The following SEPSECS variants were observed in gnomAD, a reference collection of about 807,000 sequenced individuals.
SEPSECS encodes the protein O-phosphoseryl-tRNA(Sec) selenium transferase.
SEPSECS carries 42 observed loss-of-function variants against 52.1 expected under a neutral mutation model. The observed-to-expected ratio is 0.81, with a 90% CI of 0.63 to 1.04. The LOEUF is 1.04. SEPSECS is among the 50% of genes least tolerant of loss of function. SEPSECS has a pLI of 0.00. For missense variants in SEPSECS, 590 were observed against 610.6 expected (o/e 0.97, Z 0.36); for synonymous variants, 216 against 211.4 (o/e 1.02, Z -0.19).
chr4:25,126,916 A>T (rs953928628), intron 9 of SEPSECS, among the ~76,000 whole-genome samples: 1 of 152,186 alleles, frequency 6.6e-6, no homozygotes, highest in Non-Finnish European at 1.5e-5. Context: ...TCAGCCTCCC[A>T]AAGTGCTAGG....
intron 8 of SEPSECS, among the ~76,000 whole-genome samples, chr4:25,134,071 G>A (rs990660149): frequency 7.7e-5 from 10 of 129,420 alleles, no homozygotes; most frequent in African/African-American, 1.5e-4. Context: ...GCTGCAGTGA[G>A]CCATGATCAT....
Position 25,123,726 on chromosome 4 carries a change from C to A in SEPSECS, c.*205G>T, listed in dbSNP as rs900372271. On this transcript the variant is annotated 3_prime_UTR_variant, in exon 11 of 11. Coordinates refer to ENST00000382103, the MANE Select transcript of SEPSECS (RefSeq NM_016955.4). ...AAAAATGCTAATTGTATATTATAACCTGTTAAGGATCACAAGGATTGATGC... is the reference window on the plus strand; with the variant it reads ...AAAAATGCTAATTGTATATTATAACATGTTAAGGATCACAAGGATTGATGC... 22 of 580,060 alleles carry A rather than the reference C, an allele frequency of 3.8e-5. No individual in the cohort carries two copies. Among genetic ancestry groups the A allele is most frequent in the African/African-American group, 7.5e-5 (4 of 53,396 alleles). 35.9% of individuals were successfully genotyped at this position (580,060 alleles called of 1,614,324 possible).
chr4:25,157,127 C>G (rs1712713318), intron 2 of SEPSECS, among the ~76,000 whole-genome samples, 153 bp from the exon 3 acceptor site: 1 of 152,158 alleles, frequency 6.6e-6, no homozygotes, highest in Non-Finnish European at 1.5e-5. Flanking sequence ...ATGTGGAACT[C>G]TCCTACTTAA....
chr4:25,124,264 A>G (rs1228421497), intron 10 of SEPSECS, 39 bp from the exon 11 acceptor site: 6 of 1,581,222 alleles, frequency 3.8e-6, no homozygotes, highest in Non-Finnish European at 4.3e-6. Flanking sequence ...TATGTCTGGT[A>G]ATGGTAACAC....
chr4:25,143,437 T>C (rs2109020379), intron 8 of SEPSECS, among the ~76,000 whole-genome samples: 1 of 152,344 alleles, frequency 6.6e-6, no homozygotes, highest in East Asian at 1.9e-4. Flanking sequence ...AACTGTACAA[T>C]ATGTAGCCTT....
chr4:25,152,003 G>C lies in SEPSECS; in HGVS notation c.761C>G (p.Ala254Gly). The change falls in exon 6 of 11, where the codon GCT becomes GGT. Residue 254 changes from alanine to glycine, a missense_variant. Physicochemically the swap from Ala to Gly is moderately conservative, Grantham distance 60. Transcript: ENST00000382103. Reference protein sequence around the residue: ...NYDIPHIVNNAYGVQSSKCMH... With the variant: ...NYDIPHIVNNGYGVQSSKCMH... Reference sequence around the variant, plus strand: ...ACACTTTGAAGACTGCACTCCATAAGCATTATTAACTATATGTGGAATGTC... The same window carrying C: ...ACACTTTGAAGACTGCACTCCATAACCATTATTAACTATATGTGGAATGTC... 1.2e-6 allele frequency: 2 copies of C among 1,602,792 alleles called. No homozygotes were observed. Among genetic ancestry groups the C allele is most frequent in the East Asian group, 2.2e-5 (1 of 44,646 alleles).
At position 25,143,161 on chromosome 4, in the gene SEPSECS, G is replaced by A. The variant is rs181850202; in HGVS notation, c.1026+1613C>T. Among the ~76,000 whole-genome samples the A allele has an allele frequency of 5.9e-5, 9 of 152,264 alleles. No homozygotes were observed. The East Asian group carries it at 1.7e-3, about 29-fold the overall frequency. The stretch of plus-strand genomic sequence containing the variant: ...ACAATTTGGAGTTTATAAAACCAGA[G>A]TTTTATTCTTATTGTATAAAAATTC... On this transcript the variant is annotated intron_variant, in intron 8 of 10. Coordinates refer to ENST00000382103, the MANE Select transcript of SEPSECS (RefSeq NM_016955.4).
chr4:25,157,237 A>G (rs1189268350), intron 2 of SEPSECS, among the ~76,000 whole-genome samples: 1 of 152,180 alleles, frequency 6.6e-6, no homozygotes, highest in Non-Finnish European at 1.5e-5. Flanking sequence ...TCCCACACCA[A>G]GAGATGGAGT....
intron 8 of SEPSECS, among the ~76,000 whole-genome samples, chr4:25,143,565 T>G (rs1188512688): frequency 6.6e-6 from 1 of 152,200 alleles, no homozygotes; most frequent in African/African-American, 2.4e-5. Context: ...GGTTTTAAAT[T>G]TGCATTTCCC....
chr4:25,126,365 A>G (rs1409721834), intron 9 of SEPSECS, among the ~76,000 whole-genome samples: 3 of 152,132 alleles, frequency 2.0e-5, no homozygotes, highest in Non-Finnish European at 4.4e-5. Flanking sequence ...AAGCTACACA[A>G]TATCACCTTC....
chr4:25,133,989 G>A (rs1374619216), intron 8 of SEPSECS, among the ~76,000 whole-genome samples: 1 of 150,764 alleles, frequency 6.6e-6, no homozygotes, highest in Admixed American at 6.6e-5. Context: ...CTGGCATGGC[G>A]GCATGCACCT....
chr4:25,126,338 T>A (rs961049962), intron 9 of SEPSECS, among the ~76,000 whole-genome samples: 1 of 152,074 alleles, frequency 6.6e-6, no homozygotes, highest in Non-Finnish European at 1.5e-5. Flanking sequence ...GGCTAGGACA[T>A]GGAAGATTCG....
At chr4:25,136,380 A>T (rs760218029) in intron 8 of SEPSECS, among the ~76,000 whole-genome samples, 3 of 152,190 alleles carry the variant, frequency 2.0e-5, no homozygotes, top group Non-Finnish European at 2.9e-5. Flanking sequence ...ATCAATGTGC[A>T]AAAATCACAA....
At chr4:25,159,771 C>CA in intron 1 of SEPSECS, 5 of 1,081,204 alleles carry the variant, frequency 4.6e-6, no homozygotes, top group Admixed American at 4.9e-5. Flanking sequence ...GACTCTGTTT[C>CA]AAAAAAACAA....
In SEPSECS at chr4:25,127,273, T is replaced by G. The variant is rs377440128; in HGVS notation, c.1111A>C (p.Ile371Leu). ...ERLLHTPHNP[I>L]SLAMTLKTLD... ...GGAAAAAAGAAATTACCTAAAGATA[T>G]GGGATTGTGAGGTGTATGCAACAGT... is the stretch of plus-strand genomic sequence containing the variant. Residue 371 changes from isoleucine (I) to leucine (L), a missense_variant, in exon 9 of 11, where the codon ATA becomes CTA. By Grantham distance (5) the Ile-to-Leu change is conservative. Coordinates refer to ENST00000382103, the MANE Select transcript of SEPSECS (RefSeq NM_016955.4). The G allele has an allele frequency of 2.9e-5, 47 of 1,607,258 alleles. No individual in the cohort carries two copies. The highest frequency in any genetic ancestry group is 1.7e-4 in the Admixed American group (10 of 59,968).
In SEPSECS at chr4:25,125,675, C is replaced by G. The variant is rs1577599560; in HGVS notation, c.1211+19G>C. ...TTTGAAAAGACAAATAAACCCATAT[C>G]TATCTTAAACATACTTACCTGGCTC... On this transcript the variant is annotated intron_variant, in intron 10 of 10. Transcript: ENST00000382103. The G allele has an allele frequency of 6.5e-7, 1 of 1,534,772 alleles. No individual in the cohort carries two copies. Among genetic ancestry groups the G allele is most frequent in the African/African-American group, 1.4e-5 (1 of 73,288 alleles).
At chr4:25,144,727 A>G (rs368169734) in intron 8 of SEPSECS, 47 bp downstream of exon 8, 11 of 1,311,394 alleles carry the variant, frequency 8.4e-6, no homozygotes, top group East Asian at 6.9e-5. Flanking sequence ...GATTTGGAGC[A>G]CAGTTCTAGT....
chr4:25,122,600 A>G lies in SEPSECS; in HGVS notation c.*1331T>C, dbSNP rs1026156948. The G allele has an allele frequency of 1.3e-5, 2 of 152,180 alleles. No individual in the cohort carries two copies. Among genetic ancestry groups the G allele is most frequent in the Admixed American group, 1.3e-4 (2 of 15,276 alleles). The allele number at this position is 152,180 out of a possible 1,614,324, so 9.4% of individuals were successfully genotyped here. ...AGGCAGGTTTGCAAAGGCAGCTCCC[A>G]AAATTATTTGTCTGTAAACATTTTC... On this transcript the variant is annotated 3_prime_UTR_variant, in exon 11 of 11. Coordinates refer to ENST00000382103, the MANE Select transcript of SEPSECS (RefSeq NM_016955.4).
At chr4:25,132,356 A>C (rs1728644453) in intron 8 of SEPSECS, among the ~76,000 whole-genome samples, 2 of 152,222 alleles carry the variant, frequency 1.3e-5, no homozygotes, top group Admixed American at 6.5e-5. Context: ...ATGGTATATA[A>C]ATAGCTCTGG....
Sources: allele counts gnomAD v4.1 joint callset (sites outside exome capture counted in the v4.1 genomes callset), GRCh38; gene constraint gnomAD v4.1.1; transcripts MANE v1.5; gene names NCBI Gene and HGNC (gene_info 2026-07-23, HGNC 2026-07-21).